Variants in PRKCB observed in about 807,000 individuals in gnomAD.
The protein encoded by PRKCB is protein kinase C beta, also known as protein kinase C beta type.
In PRKCB, 13 loss-of-function variants were observed where a neutral mutation model predicts 81.5. That is an observed-to-expected ratio of 0.16 (90% confidence interval 0.10 to 0.25). The LOEUF (loss-of-function observed/expected upper bound fraction) is 0.25. PRKCB is among the 10% of genes least tolerant of loss of function. The probability of loss-of-function intolerance (pLI) is 1.00; values close to 1 mark genes in which losing one functional copy is unlikely to be tolerated. For synonymous variants in PRKCB, 335 were observed against 321.4 expected (o/e 1.04, Z -0.45); for missense variants, 509 against 875.7 (o/e 0.58, Z 5.29).
rs71154259 is a variant in PRKCB, at chr16:23,915,689, C to CAAAAAAAAAAAAAAA, written c.206-72810_206-72796dup. ...CCTGGGCAAGAGTGAGACTCTCTATCAAAAAAAAAAAAAAAAAAAAAAAGC... is the reference window on the plus strand; with the variant it reads ...CCTGGGCAAGAGTGAGACTCTCTATCAAAAAAAAAAAAAAAAAAAAAAAAAAAAAAAAAAAAAAGC... On this transcript the variant is annotated intron_variant, in intron 2 of 16. Coordinates refer to ENST00000643927, the MANE Select transcript of PRKCB (RefSeq NM_002738.7). Among the ~76,000 whole-genome samples the CAAAAAAAAAAAAAAA allele has an allele frequency of 2.2e-4, 12 of 54,542 alleles. 1 individual carries two copies. Among genetic ancestry groups the CAAAAAAAAAAAAAAA allele is most frequent in the Admixed American group, 3.2e-4 (1 of 3,138 alleles). 35.8% of individuals were successfully genotyped at this position (54,542 alleles called of 152,430 possible). A position where few individuals can be genotyped will look rare whatever the true frequency, so the allele number is the denominator to read the frequency against.
At chr16:24,032,271 G>A (rs760069343) in intron 4 of PRKCB, 24 bp downstream of exon 4, 2 of 1,533,424 alleles carry the variant, frequency 1.3e-6, no homozygotes, top group East Asian at 2.3e-5. Flanking sequence ...CTCTCTGGGG[G>A]CATCTGCTGA....
chr16:24,066,447 T>C (rs1313734391), intron 5 of PRKCB, among the ~76,000 whole-genome samples: 1 of 152,202 alleles, frequency 6.6e-6, no homozygotes, highest in African/African-American at 2.4e-5. Flanking sequence ...ATAAACTTTT[T>C]ATTTTAGAAT....
intron 13 of PRKCB, among the ~76,000 whole-genome samples, chr16:24,182,656 C>T (rs2141973853): frequency 6.6e-6 from 1 of 152,244 alleles, no homozygotes; most frequent in Admixed American, 6.5e-5. Context: ...ACAGCAGTTG[C>T]CGAAGGTGAT....
chr16:24,112,932 T>C lies in PRKCB; in HGVS notation c.822-41T>C, dbSNP rs761610718. On this transcript the variant is annotated intron_variant, in intron 7 of 16. Transcript: ENST00000643927. ...TGCTGATCAATAAAATAATACCGAG[T>C]CGAGTCATGAAATGTGTCCCACCCC... is the stretch of plus-strand genomic sequence containing the variant. The C allele has an allele frequency of 3.7e-6, 5 of 1,333,510 alleles. No individual in the cohort carries two copies. In the South Asian group the frequency reaches 5.0e-5, roughly 13 times the overall value. The allele number at this position is 1,333,510 out of a possible 1,614,324, so 82.6% of individuals were successfully genotyped here.
intron 7 of PRKCB, among the ~76,000 whole-genome samples, chr16:24,107,778 G>A (rs1966597374): frequency 6.6e-6 from 1 of 152,014 alleles, no homozygotes; most frequent in African/African-American, 2.4e-5. Context: ...ACCCTCACCC[G>A]GTCATTGATG....
At chr16:23,996,829 G>T (rs1250204787) in intron 3 of PRKCB, among the ~76,000 whole-genome samples, 2 of 152,114 alleles carry the variant, frequency 1.3e-5, no homozygotes, top group Admixed American at 1.3e-4. Flanking sequence ...AGTCAGTTAT[G>T]TTGCCAGCTA....
chr16:23,862,012 A>G (rs1314989231), intron 2 of PRKCB, among the ~76,000 whole-genome samples: 4 of 152,200 alleles, frequency 2.6e-5, no homozygotes, highest in Middle Eastern at 3.4e-3. Context: ...ACTCTGAATC[A>G]TTGCTCCTCC....
chr16:23,836,180 C>T lies in PRKCB; in HGVS notation c.5C>T (p.Ala2Val). The T allele has an allele frequency of 6.4e-7, 1 of 1,558,844 alleles. No individual in the cohort carries two copies. Among genetic ancestry groups the T allele is most frequent in the Non-Finnish European group, 8.6e-7 (1 of 1,156,076 alleles). The part of the protein sequence containing the change: M[A>V]DPAAGPPPSE... ...CTCCGGCTCCCCGCGCGCAAGATGG[C>T]TGACCCGGCTGCGGGGCCGCCGCCG... is the stretch of plus-strand genomic sequence containing the variant. Residue 2 changes from alanine to valine, a missense_variant, in exon 1 of 17, where the codon GCT becomes GTT. Physicochemically the swap from Ala to Val is moderately conservative, Grantham distance 64 (BLOSUM62 0). Transcript: ENST00000643927.
intron 2 of PRKCB, among the ~76,000 whole-genome samples, chr16:23,939,132 CAATT>C (rs1421343993): frequency 1.3e-5 from 2 of 152,072 alleles, no homozygotes; most frequent in Non-Finnish European, 2.9e-5. Context: ...ATACTATTGA[CAATT>C]GATTGCTCAA....
At position 23,997,242 on chromosome 16, in the gene PRKCB, C is replaced by T. The variant is rs538743935; in HGVS notation, c.288+8652C>T. Among the ~76,000 whole-genome samples the T allele has an allele frequency of 2.0e-5, 3 of 152,290 alleles. No individual in the cohort carries two copies. The East Asian group carries it at 5.8e-4, about 29-fold the overall frequency. On this transcript the variant is annotated intron_variant, in intron 3 of 16. Transcript: ENST00000643927. The stretch of plus-strand genomic sequence containing the variant: ...TGGACTACTAAGGGGAAATTGGACA[C>T]TACTCTACAATGGAGAAAAGGAAAA...
chr16:23,972,431 T>C (rs1964570232), intron 2 of PRKCB, among the ~76,000 whole-genome samples: 1 of 152,218 alleles, frequency 6.6e-6, no homozygotes, highest in African/African-American at 2.4e-5. Context: ...AATGCAAAAT[T>C]GTAAAAAGAA....
intron 2 of PRKCB, among the ~76,000 whole-genome samples, chr16:23,951,593 T>G (rs940368713): frequency 6.6e-6 from 1 of 150,552 alleles, no homozygotes; most frequent in Non-Finnish European, 1.5e-5. Context: ...TTTTTTTTTT[T>G]TTTTTGTAGA....
At chr16:24,152,370 G>T (rs751333032) in intron 9 of PRKCB, among the ~76,000 whole-genome samples, 1 of 152,170 alleles carries the variant, frequency 6.6e-6, no homozygotes, top group South Asian at 2.1e-4. Context: ...CCCACAACAC[G>T]TGGAAATTAC....
chr16:23,837,723 A>G (rs1962190997), intron 2 of PRKCB, among the ~76,000 whole-genome samples: 1 of 152,044 alleles, frequency 6.6e-6, no homozygotes, highest in Non-Finnish European at 1.5e-5. Context: ...TTTTCCCGGG[A>G]CGTTTCTGGG....
At chr16:24,157,185 G>T (rs1056330517) in intron 10 of PRKCB, among the ~76,000 whole-genome samples, 4 of 152,202 alleles carry the variant, frequency 2.6e-5, no homozygotes, top group African/African-American at 7.2e-5. Flanking sequence ...TCCAGGGATT[G>T]TCATGTGCCA....
intron 3 of PRKCB, among the ~76,000 whole-genome samples, chr16:24,007,710 A>G (rs1965144403): frequency 1.3e-5 from 2 of 152,230 alleles, no homozygotes; most frequent in South Asian, 4.1e-4. Context: ...CGTCCCATCT[A>G]TAAATTATTG....
chr16:23,982,843 G>T (rs989091212), intron 2 of PRKCB, among the ~76,000 whole-genome samples: 2 of 152,028 alleles, frequency 1.3e-5, no homozygotes, highest in Admixed American at 6.6e-5. Flanking sequence ...TTTTAAACAG[G>T]CCATGTGTGC....
At chr16:24,050,313 A>G (rs982310470) in intron 5 of PRKCB, among the ~76,000 whole-genome samples, 1 of 152,150 alleles carries the variant, frequency 6.6e-6, no homozygotes, top group South Asian at 2.1e-4. Context: ...TTCCTAGACA[A>G]CACTCCAGTT....
intron 16 of PRKCB, among the ~76,000 whole-genome samples, chr16:24,199,271 T>C (rs1567410372): frequency 6.6e-6 from 1 of 152,246 alleles, no homozygotes; most frequent in Non-Finnish European, 1.5e-5. Flanking sequence ...AATTTTATCA[T>C]CTGAAAACAT....
Sources: allele counts gnomAD v4.1 joint callset (sites outside exome capture counted in the v4.1 genomes callset), GRCh38; gene constraint gnomAD v4.1.1; transcripts MANE v1.5; gene names NCBI Gene and HGNC (gene_info 2026-07-23, HGNC 2026-07-21).